The following LIN54 variants were observed in gnomAD, a reference collection of about 807,000 sequenced individuals.
LIN54 encodes protein lin-54 homolog.
A neutral mutation model predicts 78.7 loss-of-function variants in LIN54; 9 were observed. The observed-to-expected ratio is 0.11, with a 90% CI of 0.07 to 0.20. The LOEUF (loss-of-function observed/expected upper bound fraction) is 0.20. Among genes scored for constraint, LIN54 ranks in the 10% least tolerant of loss-of-function variants. The probability of loss-of-function intolerance (pLI) is 1.00; values close to 1 mark genes in which losing one functional copy is unlikely to be tolerated. For missense variants in LIN54, 573 were observed against 889.9 expected (o/e 0.64, Z 4.53); for synonymous variants, 269 against 318.4 (o/e 0.84, Z 1.65).
At chr4:82,929,127 T>C (rs1183248487) in intron 12 of LIN54, among the ~76,000 whole-genome samples, 1 of 152,234 alleles carries the variant, frequency 6.6e-6, no homozygotes, top group Non-Finnish European at 1.5e-5. Flanking sequence ...GAATTCAGGC[T>C]GCCATGCAGC....
intron 1 of LIN54, among the ~76,000 whole-genome samples, chr4:83,008,001 A>G (rs186390670): frequency 1.2e-4 from 18 of 152,276 alleles, no homozygotes; most frequent in Non-Finnish European, 4.4e-5. Context: ...CACCTTCACC[A>G]TGACTCTATC....
intron 1 of LIN54, among the ~76,000 whole-genome samples, chr4:83,008,153 G>A (rs1729554025): frequency 6.6e-6 from 1 of 152,110 alleles, no homozygotes; most frequent in Non-Finnish European, 1.5e-5. Flanking sequence ...CTCTGAGATT[G>A]TCATTATCCT....
In LIN54 at chr4:82,939,570, T is replaced by A; in HGVS notation, c.1409A>T (p.Tyr470Phe). Residue 470 changes from tyrosine (Y) to phenylalanine (F), a missense_variant, in exon 7 of 13, where the codon TAT becomes TTT. Tyr to Phe is a conservative substitution (Grantham distance 22). Transcript: ENST00000340417. ...APAPGTGNVG[Y>F]AVLPAQYVTQ... The stretch of plus-strand genomic sequence containing the variant: ...AACATACTGAGCTGGAAGCACTGCA[T>A]AACCCACATTCCCTGTTCCCGGAGC... 1 of 1,614,124 alleles carries A rather than the reference T, an allele frequency of 6.2e-7. No homozygotes were observed. The highest frequency in any genetic ancestry group is 2.2e-5 in the East Asian group (1 of 44,892).
Sources: allele counts gnomAD v4.1 joint callset (sites outside exome capture counted in the v4.1 genomes callset), GRCh38; gene constraint gnomAD v4.1.1; transcripts MANE v1.5; gene names NCBI Gene and HGNC (gene_info 2026-07-23, HGNC 2026-07-21).